Variants in SH3D19 observed in about 807,000 individuals in gnomAD.
SH3D19 encodes SH3 domain-containing protein 19.
A neutral mutation model predicts 112.1 loss-of-function variants in SH3D19; 58 were observed. The ratio of observed to expected loss-of-function variants is 0.52; its 90% confidence interval spans 0.42 to 0.64. The LOEUF (loss-of-function observed/expected upper bound fraction) is 0.64, where lower values mean the gene tolerates loss of function less well. Ranked by LOEUF, SH3D19 falls within the 30% of genes least tolerant of loss-of-function variation. The probability of loss-of-function intolerance (pLI) is 0.00; values close to 1 mark genes in which losing one functional copy is unlikely to be tolerated. For missense variants in SH3D19, 1,090 were observed against 1,263.4 expected (o/e 0.86, Z 2.08); for synonymous variants, 391 against 448.5 (o/e 0.87, Z 1.62).
intron 19 of SH3D19, among the ~76,000 whole-genome samples, chr4:151,127,390 G>A (rs960419760): frequency 2.0e-5 from 3 of 152,216 alleles, no homozygotes; most frequent in Non-Finnish European, 4.4e-5. Flanking sequence ...GTATGGGGGT[G>A]TAAAGCCAAG....
intron 1 of SH3D19, chr4:151,262,686 C>CTCTCTCTA (rs1220338610): frequency 1.3e-5 from 2 of 150,128 alleles, no homozygotes; most frequent in Admixed American, 6.6e-5. Context: ...TTCTCTCTCT[C>CTCTCTCTA]TCTCTCTCTC....
chr4:151,300,854 A>T (rs1399688114), intron 1 of SH3D19, among the ~76,000 whole-genome samples: 2 of 152,226 alleles, frequency 1.3e-5, no homozygotes, highest in African/African-American at 4.8e-5. Context: ...ATGAAGATGG[A>T]GACAAGTAGA....
At chr4:151,178,686 G>A (rs939942311) in intron 4 of SH3D19, among the ~76,000 whole-genome samples, 1 of 152,096 alleles carries the variant, frequency 6.6e-6, no homozygotes, top group Non-Finnish European at 1.5e-5. Context: ...ATTTGGTTCT[G>A]ACTCTGAAGT....
At chr4:151,175,912 C>T (rs562910455) in intron 6 of SH3D19, among the ~76,000 whole-genome samples, 3 of 151,964 alleles carry the variant, frequency 2.0e-5, no homozygotes, top group African/African-American at 4.8e-5. Context: ...GCTCTGTTGC[C>T]CTGGCTGGTG....
chr4:151,144,432 CAA>C, intron 11 of SH3D19: 1 of 682,682 alleles, frequency 1.5e-6, no homozygotes, highest in Non-Finnish European at 2.6e-6. Flanking sequence ...CGCTCTAGAT[CAA>C]TGGAGCCTGC....
intron 1 of SH3D19, chr4:151,279,899 C>T (rs1485277533): frequency 6.2e-7 from 1 of 1,613,824 alleles, no homozygotes; most frequent in East Asian, 2.2e-5. Context: ...ACAACTTTAT[C>T]TGTGGAGGTT....
intron 2 of SH3D19, among the ~76,000 whole-genome samples, chr4:151,214,361 C>T (rs1429628874): frequency 6.8e-6 from 1 of 147,050 alleles, no homozygotes. Context: ...GTCATCATGG[C>T]CCGTTCTCAA....
intron 17 of SH3D19, among the ~76,000 whole-genome samples, chr4:151,129,743 G>A (rs560032131): frequency 4.5e-4 from 69 of 152,300 alleles, no homozygotes; most frequent in African/African-American, 1.6e-3. Flanking sequence ...TCGTGACACT[G>A]GGCAAGACGC....
At chr4:151,295,524 G>A (rs1003871753) in intron 1 of SH3D19, among the ~76,000 whole-genome samples, 3 of 152,110 alleles carry the variant, frequency 2.0e-5, no homozygotes, top group Non-Finnish European at 4.4e-5. Flanking sequence ...CTTTGACTTC[G>A]GAATTCATCA....
intron 2 of SH3D19, among the ~76,000 whole-genome samples, chr4:151,195,033 C>T (rs1196629686): frequency 6.9e-6 from 1 of 145,920 alleles, no homozygotes; most frequent in Non-Finnish European, 1.5e-5. Context: ...CAAGATCGTG[C>T]ACTGCACTCC....
intron 1 of SH3D19, among the ~76,000 whole-genome samples, chr4:151,263,354 A>G (rs1772522456): frequency 6.6e-6 from 1 of 152,196 alleles, no homozygotes; most frequent in East Asian, 1.9e-4. Flanking sequence ...GATGAAAACC[A>G]TCCAACCCTG....
chr4:151,243,781 G>A (rs1393105976), intron 1 of SH3D19, among the ~76,000 whole-genome samples: 4 of 152,190 alleles, frequency 2.6e-5, no homozygotes, highest in Non-Finnish European at 4.4e-5. Flanking sequence ...ACTTATTTTT[G>A]AGTATTGAGG....
At chr4:151,277,073 C>T in intron 1 of SH3D19, 1 of 849,648 alleles carries the variant, frequency 1.2e-6, no homozygotes, top group East Asian at 3.1e-5. Flanking sequence ...GCAGAGGAAT[C>T]CATCTAGGAG....
chr4:151,149,667 G>C (rs1394085477), intron 9 of SH3D19, 106 bp from the exon 10 acceptor site: 1 of 929,314 alleles, frequency 1.1e-6, no homozygotes, highest in African/African-American at 1.7e-5. Flanking sequence ...TAGAAATGCA[G>C]TTGAATTATA....
At chr4:151,225,443 T>C (rs1401902756) in intron 2 of SH3D19, among the ~76,000 whole-genome samples, 4 of 152,176 alleles carry the variant, frequency 2.6e-5, no homozygotes, top group Admixed American at 6.5e-5. Context: ...TCTAGTGAAA[T>C]ACACTCAGTG....
At chr4:151,200,577 G>A (rs939532147) in intron 2 of SH3D19, among the ~76,000 whole-genome samples, 1 of 151,928 alleles carries the variant, frequency 6.6e-6, no homozygotes, top group African/African-American at 2.4e-5. Flanking sequence ...GGCCATGGTG[G>A]GAATATTTAT....
rs776753974 is a variant in SH3D19 at position 151,128,203 on chromosome 4, T to C, written c.2896A>G (p.Ile966Val). 1 of 1,611,892 alleles carries C rather than the reference T, an allele frequency of 6.2e-7. No homozygotes were observed. Among genetic ancestry groups the C allele is most frequent in the East Asian group, 2.2e-5 (1 of 44,838 alleles). Residue 966 changes from isoleucine (I) to valine (V), a missense_variant, in exon 18 of 20, where the codon ATC (isoleucine) becomes GTC (valine). By Grantham distance (29) the Ile-to-Val change is conservative (BLOSUM62 3). Transcript: ENST00000604030. The part of the protein sequence containing the change: ...CRGRLQDREG[I>V]FPAVFVRPCP... ...GGCCTCACAAACACTGCTGGGAAGA[T>C]CCCCTCCCTGTCCTGCAGTCTGCCC...
chr4:151,281,997 G>A (rs1774281507), intron 1 of SH3D19: 1 of 763,448 alleles, frequency 1.3e-6, no homozygotes, highest in Non-Finnish European at 2.2e-6. Context: ...GAAAGAAGGA[G>A]ACAAATCAAC....
At chr4:151,291,477 C>T (rs181109910) in intron 1 of SH3D19, 1 of 1,444,080 alleles carries the variant, frequency 6.9e-7, no homozygotes, top group Admixed American at 2.2e-5. Context: ...CACTGCTAAC[C>T]CTGGGTGACT....
Sources: gnomAD v4.1 joint callset for allele counts (sites outside exome capture counted in the v4.1 genomes callset) on GRCh38, gnomAD v4.1.1 for gene constraint, MANE v1.5 for transcripts, NCBI Gene and HGNC (gene_info 2026-07-23, HGNC 2026-07-21) for gene names.